Variants in CEP85L observed in about 807,000 individuals in gnomAD.
CEP85L encodes centrosomal protein 85L.
Under a neutral mutation model 100.3 loss-of-function variants are expected in CEP85L, and 60 were observed. That is an observed-to-expected ratio of 0.60 (90% CI 0.49 to 0.74). CEP85L has a LOEUF of 0.74. CEP85L is among the 30% of genes least tolerant of loss of function. The probability of loss-of-function intolerance (pLI) is 0.00; values close to 1 mark genes in which losing one functional copy is unlikely to be tolerated. For missense variants in CEP85L, 973 were observed against 936.2 expected, an observed-to-expected ratio of 1.04 and a Z score of -0.51; for synonymous variants, 319 against 322.7, an observed-to-expected ratio of 0.99 and a Z score of 0.12.
In CEP85L at chr6:118,500,144, A is replaced by ATT. The variant is rs35859677; in HGVS notation, c.1258-8281_1258-8280dup. Among the ~76,000 whole-genome samples the ATT allele has an allele frequency of 1.9e-3, 280 of 148,876 alleles. 2 individuals carry two copies. Among genetic ancestry groups the ATT allele is most frequent in the Non-Finnish European group, 2.6e-3 (177 of 67,044 alleles). The stretch of plus-strand genomic sequence containing the variant: ...AGTGAGACCTTGCCTCTACTAAAGT[A>ATT]TTTTTTTTTTTAATTAGCCAGGCAT... On this transcript the variant is annotated intron_variant, in intron 5 of 12. Coordinates refer to ENST00000368491, the MANE Select transcript of CEP85L (RefSeq NM_001042475.3).
intron 1 of CEP85L, among the ~76,000 whole-genome samples, chr6:118,682,941 G>A (rs1216960990): frequency 4.6e-5 from 7 of 152,234 alleles, no homozygotes; most frequent in Admixed American, 6.5e-5. Flanking sequence ...TTCCTGGGTC[G>A]TAATAACCAC....
At chr6:118,699,483 G>A (rs1583271625) in intron 1 of CEP85L, among the ~76,000 whole-genome samples, 1 of 149,524 alleles carries the variant, frequency 6.7e-6, no homozygotes, top group East Asian at 1.9e-4. Flanking sequence ...CTACCAGAAC[G>A]ACTGAGTTAA....
intron 5 of CEP85L, among the ~76,000 whole-genome samples, chr6:118,509,026 T>C (rs539542324): frequency 6.6e-6 from 1 of 152,266 alleles, no homozygotes; most frequent in Non-Finnish European, 1.5e-5. Flanking sequence ...ATTTTCCTTG[T>C]ATTCTCTTTT....
At chr6:118,549,562 T>C (rs1193074656) in intron 3 of CEP85L, among the ~76,000 whole-genome samples, 1 of 151,852 alleles carries the variant, frequency 6.6e-6, no homozygotes, top group Non-Finnish European at 1.5e-5. Context: ...AATAAGAACT[T>C]TGTAACTCTG....
At chr6:118,498,947 CAGAA>C (rs768597751) in intron 5 of CEP85L, among the ~76,000 whole-genome samples, 2 of 152,242 alleles carry the variant, frequency 1.3e-5, no homozygotes, top group African/African-American at 4.8e-5. Flanking sequence ...AAATCAAAAA[CAGAA>C]AGACAGCTGG....
In CEP85L at chr6:118,598,369, A is replaced by T. The variant is rs74683177; in HGVS notation, c.233-32053T>A. 5.3e-5 allele frequency among the ~76,000 whole-genome samples: 8 copies of T among 152,338 alleles called. No homozygotes were observed. The East Asian group carries it at 1.4e-3, about 26-fold the overall frequency. ...TGAATTATGTCCTCCATAAAAATAC[A>T]TTAAAATTTTAACCCCTAGAAGCTG... On this transcript the variant is annotated intron_variant, in intron 2 of 12. Transcript: ENST00000368491.
chr6:118,605,511 C>A (rs1772133382), intron 2 of CEP85L, among the ~76,000 whole-genome samples: 1 of 152,166 alleles, frequency 6.6e-6, no homozygotes, highest in African/African-American at 2.4e-5. Flanking sequence ...ATTTCTGATA[C>A]CCCCAAAACT....
At chr6:118,698,221 G>C (rs1466066080) in intron 1 of CEP85L, among the ~76,000 whole-genome samples, 1 of 152,162 alleles carries the variant, frequency 6.6e-6, no homozygotes. Flanking sequence ...GAAATAAATT[G>C]TCCTTGACAC....
At chr6:118,620,477 C>T (rs1773366109) in intron 2 of CEP85L, among the ~76,000 whole-genome samples, 1 of 152,154 alleles carries the variant, frequency 6.6e-6, no homozygotes, top group East Asian at 1.9e-4. Flanking sequence ...TGCAAAGACA[C>T]TTTAAAAAAG....
chr6:118,598,806 G>A (rs1474172760), intron 2 of CEP85L, among the ~76,000 whole-genome samples: 1 of 152,204 alleles, frequency 6.6e-6, no homozygotes, highest in African/African-American at 2.4e-5. Flanking sequence ...ATACAGGGGA[G>A]TAGAGGTTAA....
chr6:118,491,681 C>T lies in CEP85L; in HGVS notation c.1437+5G>A, dbSNP rs374825056. ...ACCTAATTCAACTTTATTAGAAAAA[C>T]CTACTTTTTCCTCTAGTTTCTTCTT... On this transcript the variant is annotated splice_donor_5th_base_variant and intron_variant, in intron 6 of 12. Coordinates refer to ENST00000368491, the MANE Select transcript of CEP85L (RefSeq NM_001042475.3). The T allele has an allele frequency of 9.3e-6, 15 of 1,607,854 alleles. No homozygotes were observed. Among genetic ancestry groups the T allele is most frequent in the Non-Finnish European group, 1.3e-5 (15 of 1,177,100 alleles).
Position 118,480,640 on chromosome 6 carries a change from CAG to C in CEP85L, c.1746-129_1746-128del. 8.3e-6 allele frequency: 5 copies of C among 604,802 alleles called. No individual in the cohort carries two copies. In the South Asian group the frequency reaches 8.6e-5, roughly 10 times the overall value. 37.5% of individuals were successfully genotyped at this position (604,802 alleles called of 1,614,324 possible). On this transcript the variant is annotated intron_variant, in intron 8 of 12. Transcript: ENST00000368491. ...ACCCTAAAAATGACATCAAGACCCACAGACAGTATATGAAAAACTGTTATCTA... is the reference window on the plus strand; with the variant it reads ...ACCCTAAAAATGACATCAAGACCCACACAGTATATGAAAAACTGTTATCTA...
chr6:118,509,191 C>T (rs1430057683), intron 5 of CEP85L, among the ~76,000 whole-genome samples: 1 of 152,032 alleles, frequency 6.6e-6, no homozygotes, highest in Non-Finnish European at 1.5e-5. Flanking sequence ...TTGGAGAGCC[C>T]TCTACTGGCC....
At chr6:118,476,218 T>A (rs62424175) in intron 10 of CEP85L, among the ~76,000 whole-genome samples, 20,395 of 151,884 alleles carry the variant, frequency 0.13, 1,765 homozygotes, top group Non-Finnish European at 0.19. Flanking sequence ...ATAACATGCA[T>A]ACAACAGATC....
rs1268165493 is a variant in CEP85L at position 118,491,698 on chromosome 6, T to C, written c.1425A>G (p.Lys475=). The change falls in exon 6 of 13, where the codon AAA becomes AAG. Residue 475 remains lysine, a synonymous_variant. Coordinates refer to ENST00000368491, the MANE Select transcript of CEP85L (RefSeq NM_001042475.3). The part of the protein sequence containing the change: ...RLSLFSEEKK[K]LEEKLKTRDR... ...TAGAAAAACCTACTTTTTCCTCTAG[T>C]TTCTTCTTCTCTTCACTAAATAGGC... 6.2e-7 allele frequency: 1 copy of C among 1,611,474 alleles called. No individual in the cohort carries two copies. The highest frequency in any genetic ancestry group is 8.5e-7 in the Non-Finnish European group (1 of 1,179,052).
At chr6:118,567,162 T>C (rs1442826065) in intron 2 of CEP85L, among the ~76,000 whole-genome samples, 1 of 150,892 alleles carries the variant, frequency 6.6e-6, no homozygotes, top group Non-Finnish European at 1.5e-5. Flanking sequence ...CAGTCTCATT[T>C]AATGGCATAT....
At chr6:118,558,660 C>CACACAG (rs1318088942) in intron 3 of CEP85L, among the ~76,000 whole-genome samples, 3 of 122,214 alleles carry the variant, frequency 2.5e-5, no homozygotes, top group African/African-American at 3.2e-5. Flanking sequence ...CACACACACA[C>CACACAG]AGAGAGAGAG....
chr6:118,575,386 G>A (rs1013022856), intron 2 of CEP85L, among the ~76,000 whole-genome samples: 4 of 152,174 alleles, frequency 2.6e-5, no homozygotes, highest in Non-Finnish European at 5.9e-5. Context: ...AGTTAGGACT[G>A]GATTTGTCAA....
chr6:118,680,305 GCTTTTTT>G (rs367544528), intron 1 of CEP85L, among the ~76,000 whole-genome samples: 34,920 of 85,232 alleles, frequency 0.41, 5,260 homozygotes, highest in Non-Finnish European at 0.47. Flanking sequence ...CCTTGGTGTT[GCTTTTTT>G]TTTTTTTTTT....
Sources: allele counts gnomAD v4.1 joint callset (sites outside exome capture counted in the v4.1 genomes callset), GRCh38; gene constraint gnomAD v4.1.1; transcripts MANE v1.5; gene names NCBI Gene and HGNC (gene_info 2026-07-23, HGNC 2026-07-21).